NELL1: variants seen among roughly 807,000 people sequenced by gnomAD.
NELL1 encodes the protein neural EGFL like 1, also known as protein kinase C-binding protein NELL1.
In NELL1, 76 loss-of-function variants were observed where a neutral mutation model predicts 107.4. That is an observed-to-expected ratio of 0.71 (90% CI 0.59 to 0.86). The LOEUF is 0.86. Ranked by LOEUF, NELL1 falls within the 40% of genes least tolerant of loss-of-function variation. NELL1 has a pLI of 0.00. For synonymous variants in NELL1, 353 were observed against 341.2 expected (o/e 1.03, Z -0.38); for missense variants, 1,024 against 1,005.5 (o/e 1.02, Z -0.25).
chr11:20,693,232 C>G (rs1418433304), intron 2 of NELL1, among the ~76,000 whole-genome samples: 1 of 152,092 alleles, frequency 6.6e-6, no homozygotes, highest in Non-Finnish European at 1.5e-5. Context: ...GGTCTTGACT[C>G]TTTATCCAAC....
At chr11:21,516,944 C>T (rs1855581643) in intron 15 of NELL1, among the ~76,000 whole-genome samples, 1 of 151,918 alleles carries the variant, frequency 6.6e-6, no homozygotes, top group South Asian at 2.1e-4. Context: ...CGCCCACCAC[C>T]ACACCAGGCT....
chr11:21,155,012 G>A (rs565345178), intron 13 of NELL1, among the ~76,000 whole-genome samples: 1 of 152,118 alleles, frequency 6.6e-6, no homozygotes, highest in Non-Finnish European at 1.5e-5. Context: ...TCACATGAAA[G>A]GTGAATGCAT....
At chr11:20,670,743 G>T (rs948623929) in intron 1 of NELL1, 2 of 152,330 alleles carry the variant, frequency 1.3e-5, no homozygotes, top group African/African-American at 4.8e-5. Flanking sequence ...CAACTGGGGG[G>T]AGTGTCGGAG....
chr11:21,328,849 G>A (rs1850207146), intron 14 of NELL1, among the ~76,000 whole-genome samples: 1 of 152,138 alleles, frequency 6.6e-6, no homozygotes, highest in Non-Finnish European at 1.5e-5. Context: ...GAGGCCTGTA[G>A]CCCCTTTGTT....
intron 13 of NELL1, 45 bp downstream of exon 13, chr11:21,113,759 C>T (rs756635700): frequency 5.0e-6 from 8 of 1,596,614 alleles, no homozygotes; most frequent in Non-Finnish European, 6.8e-6. Flanking sequence ...CATCCATTCT[C>T]TGCACCATGT....
At chr11:21,498,391 T>A (rs1221469759) in intron 15 of NELL1, among the ~76,000 whole-genome samples, 3 of 148,774 alleles carry the variant, frequency 2.0e-5, no homozygotes, top group Non-Finnish European at 4.5e-5. Flanking sequence ...TTTGTTTGTA[T>A]TTAAATTTTA....
chr11:21,207,227 C>T (rs746965371), intron 13 of NELL1, among the ~76,000 whole-genome samples: 3 of 152,064 alleles, frequency 2.0e-5, no homozygotes, highest in Non-Finnish European at 4.4e-5. Flanking sequence ...CACTTTTTTG[C>T]GTAGTCTCTT....
At chr11:21,327,813 G>A (rs879744690) in intron 14 of NELL1, among the ~76,000 whole-genome samples, 10 of 152,172 alleles carry the variant, frequency 6.6e-5, no homozygotes, top group Non-Finnish European at 1.5e-4. Context: ...TGAGGAACTT[G>A]TTGGGAACTG....
At chr11:21,388,177 T>C (rs1396825999) in intron 15 of NELL1, among the ~76,000 whole-genome samples, 1 of 151,682 alleles carries the variant, frequency 6.6e-6, no homozygotes, top group Non-Finnish European at 1.5e-5. Context: ...AGGTTTTATA[T>C]TGAAAGTGTC....
intron 15 of NELL1, among the ~76,000 whole-genome samples, chr11:21,475,910 T>C (rs1250595474): frequency 6.6e-6 from 1 of 152,178 alleles, no homozygotes; most frequent in Non-Finnish European, 1.5e-5. Context: ...GATCTTCAAC[T>C]TTGAGATTTT....
At position 21,030,541 on chromosome 11, in the gene NELL1, C is replaced by T. The variant is rs537179836; in HGVS notation, c.1300+69981C>T. On this transcript the variant is annotated intron_variant, in intron 12 of 19. Coordinates refer to ENST00000357134, the MANE Select transcript of NELL1 (RefSeq NM_006157.5). The stretch of plus-strand genomic sequence containing the variant: ...AGGACCCAGTGACAATGAGAACTAA[C>T]CAGGCCATTGCCTCATATAATTCAA... Among the ~76,000 whole-genome samples, 42 of 152,122 alleles carry T rather than the reference C, an allele frequency of 2.8e-4. 1 individual carries two copies. The highest frequency in any genetic ancestry group is 1.0e-3 in the African/African-American group (42 of 41,512).
intron 13 of NELL1, among the ~76,000 whole-genome samples, chr11:21,220,240 T>TG (rs1289152153): frequency 6.6e-6 from 1 of 152,190 alleles, no homozygotes; most frequent in Non-Finnish European, 1.5e-5. Flanking sequence ...TATGCCAGTA[T>TG]CATGCTGTTT....
intron 11 of NELL1, among the ~76,000 whole-genome samples, chr11:20,948,850 T>C (rs960956651): frequency 6.6e-6 from 1 of 150,482 alleles, no homozygotes; most frequent in Non-Finnish European, 1.5e-5. Flanking sequence ...GATTCTCAAA[T>C]ACCCAGTAAG....
At chr11:20,914,701 C>A (rs1347202717) in intron 5 of NELL1, among the ~76,000 whole-genome samples, 1 of 151,970 alleles carries the variant, frequency 6.6e-6, no homozygotes, top group South Asian at 2.1e-4. Context: ...GGGCTTAGAA[C>A]TTTATTTTTG....
At chr11:20,903,176 G>A (rs553656986) in intron 5 of NELL1, among the ~76,000 whole-genome samples, 2 of 152,140 alleles carry the variant, frequency 1.3e-5, no homozygotes, top group South Asian at 4.1e-4. Flanking sequence ...ATGTGTGTGT[G>A]TATATATGTA....
chr11:20,783,633 C>T, intron 2 of NELL1, 47 bp from the exon 3 acceptor site: 1 of 1,442,274 alleles, frequency 6.9e-7, no homozygotes, highest in South Asian at 1.3e-5. Context: ...CCTTCTCCTT[C>T]CTCTTCTCCT....
At chr11:21,268,026 T>C (rs1435321058) in intron 14 of NELL1, among the ~76,000 whole-genome samples, 2 of 151,802 alleles carry the variant, frequency 1.3e-5, no homozygotes, top group African/African-American at 2.4e-5. Context: ...CTTTGTCTTT[T>C]AGTTAGAAAA....
intron 15 of NELL1, among the ~76,000 whole-genome samples, chr11:21,472,839 C>T (rs1248639687): frequency 6.6e-6 from 1 of 151,810 alleles, no homozygotes; most frequent in Non-Finnish European, 1.5e-5. Flanking sequence ...CTTCCCTTTC[C>T]TTCCCTTCCT....
At chr11:20,861,839 C>A (rs906498932) in intron 4 of NELL1, among the ~76,000 whole-genome samples, 6 of 152,134 alleles carry the variant, frequency 3.9e-5, no homozygotes, top group Non-Finnish European at 7.3e-5. Context: ...GATGTGCTAC[C>A]CTTGCCAAGT....
Sources: gnomAD v4.1 joint callset for allele counts (sites outside exome capture counted in the v4.1 genomes callset) on GRCh38, gnomAD v4.1.1 for gene constraint, MANE v1.5 for transcripts, NCBI Gene and HGNC (gene_info 2026-07-23, HGNC 2026-07-21) for gene names.